TBKBP1: variants seen among roughly 807,000 people sequenced by gnomAD.
TBKBP1 encodes TANK-binding kinase 1-binding protein 1.
Under a neutral mutation model 69.9 loss-of-function variants are expected in TBKBP1, and 47 were observed. That is an observed-to-expected ratio of 0.67 (90% confidence interval 0.53 to 0.86). The LOEUF is 0.86. TBKBP1 is among the 40% of genes least tolerant of loss of function. TBKBP1 has a pLI of 0.00. For synonymous variants in TBKBP1, 418 were observed against 390.3 expected (o/e 1.07, Z -0.84); for missense variants, 831 against 858.6 (o/e 0.97, Z 0.40).
chr17:47,709,035 G>A lies in TBKBP1; in HGVS notation c.1302G>A (p.Pro434=), dbSNP rs866006434. 24 of 1,254,916 alleles carry A rather than the reference G, an allele frequency of 1.9e-5. No individual in the cohort carries two copies. The highest frequency in any genetic ancestry group is 3.2e-4 in the Middle Eastern group (1 of 3,144). 77.7% of individuals were successfully genotyped at this position (1,254,916 alleles called of 1,614,324 possible). ...CCCGGCCACCGCCGCCGCCCCCGCCGGGCGAGAGGACGCTGGCCGAGCGCG... is the reference window on the plus strand; with the variant it reads ...CCCGGCCACCGCCGCCGCCCCCGCCAGGCGAGAGGACGCTGGCCGAGCGCG... The part of the protein sequence containing the change: ...PQPRPPPPPP[P]GERTLAERAY... The change falls in exon 9 of 10, where the codon CCG becomes CCA. Residue 434 remains proline (P), a synonymous_variant. Coordinates refer to ENST00000578982, the MANE Select transcript of TBKBP1 (RefSeq NM_001394755.1).
rs1054304735 is a variant in TBKBP1, at chr17:47,708,018, A to C, written c.873-376A>C. On this transcript the variant is annotated intron_variant, in intron 7 of 9. Transcript: ENST00000578982. The surrounding 1 kb of genome is among the most constrained non-coding windows in gnomAD (Gnocchi z 4.4). ...TGATGAATCGGTGCTTTAATTCATC[A>C]TCACAGCTTTTGCACAGATTAGAAA... Among the ~76,000 whole-genome samples the C allele has an allele frequency of 3.3e-5, 5 of 152,254 alleles. No homozygotes were observed. The highest frequency in any genetic ancestry group is 9.6e-5 in the African/African-American group (4 of 41,458).
chr17:47,707,887 C>T (rs1010984169), intron 7 of TBKBP1, among the ~76,000 whole-genome samples: 1 of 152,208 alleles, frequency 6.6e-6, no homozygotes, highest in African/African-American at 2.4e-5. Context: ...AAGGTGAGGA[C>T]TCTTCATGGA....
chr17:47,702,892 C>T (rs554354673), intron 7 of TBKBP1, among the ~76,000 whole-genome samples: 1 of 151,890 alleles, frequency 6.6e-6, no homozygotes, highest in South Asian at 2.1e-4. Context: ...GCAGCACCCA[C>T]AACCCCCTTC....
intron 4 of TBKBP1, among the ~76,000 whole-genome samples, chr17:47,697,592 A>G (rs913219408): frequency 4.6e-5 from 7 of 152,096 alleles, no homozygotes; most frequent in African/African-American, 1.4e-4. Context: ...AGAGGTGACC[A>G]GGAGTGTGTG....
chr17:47,706,669 T>C (rs1567908722), intron 7 of TBKBP1, among the ~76,000 whole-genome samples: 1 of 152,048 alleles, frequency 6.6e-6, no homozygotes, highest in Non-Finnish European at 1.5e-5. Context: ...TTAAAAATAG[T>C]CTTGTGGGAG....
At chr17:47,701,312 C>T (rs2031492052) in intron 7 of TBKBP1, among the ~76,000 whole-genome samples, 1 of 151,898 alleles carries the variant, frequency 6.6e-6, no homozygotes, top group African/African-American at 2.4e-5. Context: ...TGGGGCCCAT[C>T]ATAGCCCATG....
At chr17:47,699,079 G>T (rs1175051812) in intron 5 of TBKBP1, among the ~76,000 whole-genome samples, 6 of 152,094 alleles carry the variant, frequency 3.9e-5, no homozygotes, top group Admixed American at 3.9e-4. Context: ...AGATGCTCTA[G>T]ACTTGAGTCT....
At chr17:47,703,995 A>T (rs1020756798) in intron 7 of TBKBP1, among the ~76,000 whole-genome samples, 44 of 152,186 alleles carry the variant, frequency 2.9e-4, no homozygotes, top group African/African-American at 9.7e-4. Context: ...GAAAGCCCTT[A>T]TATGAGGGGC....
intron 5 of TBKBP1, among the ~76,000 whole-genome samples, chr17:47,699,035 C>T (rs1374364662): frequency 1.3e-5 from 2 of 152,180 alleles, no homozygotes; most frequent in Non-Finnish European, 2.9e-5. Flanking sequence ...GTCCCCCCGC[C>T]CCGTCTCTGG....
chr17:47,695,712 G>T, intron 1 of TBKBP1: 1 of 176,922 alleles, frequency 5.7e-6, no homozygotes, highest in Non-Finnish European at 1.2e-5. Context: ...GGGGAAGTAA[G>T]GCCTGGGGTG....
At chr17:47,700,922 CCA>C (rs2031476527) in intron 7 of TBKBP1, among the ~76,000 whole-genome samples, 1 of 152,132 alleles carries the variant, frequency 6.6e-6, no homozygotes, top group Non-Finnish European at 1.5e-5. Flanking sequence ...TCACCCTCTC[CCA>C]CTTTCTGAGA....
chr17:47,711,591 A>G lies in TBKBP1; in HGVS notation c.*965A>G, dbSNP rs1204702094. ...GTGCTGTGGAGATCAACTTCAAAAGAGCTAACCCCTTCCCACACTCCACCC... is the reference window on the plus strand; with the variant it reads ...GTGCTGTGGAGATCAACTTCAAAAGGGCTAACCCCTTCCCACACTCCACCC... On this transcript the variant is annotated 3_prime_UTR_variant, in exon 10 of 10. Coordinates refer to ENST00000578982, the MANE Select transcript of TBKBP1 (RefSeq NM_001394755.1). 1.3e-5 allele frequency: 2 copies of G among 152,630 alleles called. No homozygotes were observed. The highest frequency in any genetic ancestry group is 2.9e-5 in the Non-Finnish European group (2 of 68,096). 9.5% of individuals were successfully genotyped at this position (152,630 alleles called of 1,614,324 possible). A position where few individuals can be genotyped will look rare whatever the true frequency, so the allele number is the denominator to read the frequency against.
intron 4 of TBKBP1, among the ~76,000 whole-genome samples, chr17:47,698,144 TG>T (rs1259520517): frequency 4.6e-5 from 7 of 152,092 alleles, no homozygotes; most frequent in Non-Finnish European, 1.0e-4. Context: ...TAGATATTTA[TG>T]TGGCACTCGG....
intron 7 of TBKBP1, 64 bp downstream of exon 7, chr17:47,699,761 AGGGGTGT>A (rs752239523): frequency 3.4e-5 from 54 of 1,594,384 alleles, no homozygotes; most frequent in Non-Finnish European, 4.5e-5. Context: ...CCCAGCCCTC[AGGGGTGT>A]GGTGTCTGGG....
At chr17:47,705,282 G>A (rs2031658226) in intron 7 of TBKBP1, among the ~76,000 whole-genome samples, 1 of 152,222 alleles carries the variant, frequency 6.6e-6, no homozygotes, top group African/African-American at 2.4e-5. Context: ...ATTGCTAGTA[G>A]GCTTTATGAT....
chr17:47,708,804 T>A lies in TBKBP1; in HGVS notation c.1071T>A (p.Ala357=), dbSNP rs1279049466. ...CCCCCTCCCCGCCTGCCCGAGCGGC[T>A]CCCCCGTGCCCCCCGTGCCAGTCCC... ...CPSPSPPARA[A]PPCPPCQSPV... Residue 357 remains alanine, a synonymous_variant, in exon 9 of 10, where the codon GCT becomes GCA. Coordinates refer to ENST00000578982, the MANE Select transcript of TBKBP1 (RefSeq NM_001394755.1). The surrounding 1 kb of genome is among the most constrained non-coding windows in gnomAD (Gnocchi z 4.4). The A allele has an allele frequency of 9.1e-6, 6 of 662,354 alleles. No homozygotes were observed. In the African/African-American group the frequency reaches 1.6e-4, roughly 18 times the overall value. 41.0% of individuals were successfully genotyped at this position (662,354 alleles called of 1,614,324 possible).
rs748717637 is a variant in TBKBP1, at chr17:47,696,238, T to G, written c.126T>G (p.Phe42Leu). The change falls in exon 2 of 10, where the codon TTT becomes TTG. Residue 42 changes from phenylalanine to leucine, a missense_variant. Physicochemically the swap from Phe to Leu is conservative, Grantham distance 22. Transcript: ENST00000578982. Reference protein sequence around the residue: ...LGGDMCSASHFALITAYGDIK... With the variant: ...LGGDMCSASHLALITAYGDIK... ...GCGACATGTGCTCCGCCTCCCACTTTGCCCTCATCACTGCTTACGGAGACA... is the reference window on the plus strand; with the variant it reads ...GCGACATGTGCTCCGCCTCCCACTTGGCCCTCATCACTGCTTACGGAGACA... The G allele has an allele frequency of 6.2e-7, 1 of 1,613,712 alleles. No individual in the cohort carries two copies. The highest frequency in any genetic ancestry group is 8.5e-7 in the Non-Finnish European group (1 of 1,179,840).
rs756835766 is a variant in TBKBP1, at chr17:47,699,392, C to A, written c.707C>A (p.Ala236Glu). Residue 236 changes from alanine (A) to glutamate (E), a missense_variant, in exon 6 of 10, where the codon GCG (alanine) becomes GAG (glutamate). Physicochemically the swap from Ala to Glu is moderately radical, Grantham distance 107. Coordinates refer to ENST00000578982, the MANE Select transcript of TBKBP1 (RefSeq NM_001394755.1). ...CGGCTAGAAGAGGCTTTGGAGGCCG[C>A]GCAGGGAGAGGCCCGGGGGGCTCAG... ...RRRLEEALEA[A>E]QGEARGAQLR... 1 of 1,566,976 alleles carries A rather than the reference C, an allele frequency of 6.4e-7. No individual in the cohort carries two copies. Among genetic ancestry groups the A allele is most frequent in the Non-Finnish European group, 8.6e-7 (1 of 1,161,304 alleles).
chr17:47,708,942 G>A lies in TBKBP1; in HGVS notation c.1209G>A (p.Pro403=), dbSNP rs1232512398. The A allele has an allele frequency of 9.7e-6, 12 of 1,241,788 alleles. No homozygotes were observed. In the Admixed American group the frequency reaches 1.2e-4, roughly 13 times the overall value. The allele number at this position is 1,241,788 out of a possible 1,614,324, so 76.9% of individuals were successfully genotyped here. Residue 403 remains proline (P), a synonymous_variant, in exon 9 of 10, where the codon CCG becomes CCA. Transcript: ENST00000578982. This position sits in a 1 kb window ranked among gnomAD's most constrained non-coding sequence, Gnocchi z 4.4. The part of the protein sequence containing the change: ...SPVPQRRSPV[P]PSCQSPSPQR... The stretch of plus-strand genomic sequence containing the variant: ...TCCCGCAGCGCCGCTCGCCGGTGCC[G>A]CCGTCGTGCCAGTCCCCCAGCCCGC...
Sources: allele counts gnomAD v4.1 joint callset (sites outside exome capture counted in the v4.1 genomes callset), GRCh38; gene constraint gnomAD v4.1.1; non-coding constraint Gnocchi (gnomAD v3.1); transcripts MANE v1.5; gene names NCBI Gene and HGNC (gene_info 2026-07-23, HGNC 2026-07-21).